OTUD4: variants seen among roughly 807,000 people sequenced by gnomAD.
The protein encoded by OTUD4 is OTU domain-containing protein 4.
OTUD4 carries 24 observed loss-of-function variants against 130.4 expected under a neutral mutation model. The ratio of observed to expected loss-of-function variants is 0.18; its 90% CI spans 0.13 to 0.26. The LOEUF (loss-of-function observed/expected upper bound fraction) is 0.26. Among genes scored for constraint, OTUD4 ranks in the 10% least tolerant of loss-of-function variants. The pLI is 1.00. For synonymous variants in OTUD4, 420 were observed against 472.5 expected, an observed-to-expected ratio of 0.89 and a Z score of 1.44; for missense variants, 1,031 against 1,329.4, an observed-to-expected ratio of 0.78 and a Z score of 3.49.
intron 10 of OTUD4, among the ~76,000 whole-genome samples, chr4:145,153,764 AAATC>A (rs1751165174): frequency 6.6e-6 from 1 of 152,246 alleles, no homozygotes; most frequent in South Asian, 2.1e-4. Context: ...TTTTAGCAGT[AAATC>A]AAAGTCCTCA....
rs991337470 is a variant in OTUD4, at chr4:145,143,462, G to A, written c.1603-17C>T. On this transcript the variant is annotated splice_polypyrimidine_tract_variant and intron_variant, in intron 16 of 20. Transcript: ENST00000447906. The stretch of plus-strand genomic sequence containing the variant: ...AGTAATATTCTTTGGAAGCAAAAAA[G>A]AAGCAAAGTTTTGTATTTCAGAGAC... 2 of 1,521,906 alleles carry A rather than the reference G, an allele frequency of 1.3e-6. No individual in the cohort carries two copies. Among genetic ancestry groups the A allele is most frequent in the South Asian group, 1.1e-5 (1 of 87,138 alleles). The allele number at this position is 1,521,906 out of a possible 1,614,324, so 94.3% of individuals were successfully genotyped here. A position where few individuals can be genotyped will look rare whatever the true frequency, so the allele number is the denominator to read the frequency against.
intron 13 of OTUD4, among the ~76,000 whole-genome samples, chr4:145,148,063 TAA>T (rs559901619): frequency 8.5e-5 from 13 of 152,296 alleles, no homozygotes; most frequent in African/African-American, 2.4e-4. Flanking sequence ...AAAAAATCTC[TAA>T]AGTTTCATGT....
chr4:145,157,971 G>A (rs959880568), intron 7 of OTUD4, among the ~76,000 whole-genome samples: 3 of 152,148 alleles, frequency 2.0e-5, no homozygotes, highest in African/African-American at 7.2e-5. Flanking sequence ...CAGGTAATAA[G>A]TTGTAACAAG....
At chr4:145,156,703 T>C (rs1439060738) in intron 7 of OTUD4, among the ~76,000 whole-genome samples, 1 of 151,862 alleles carries the variant, frequency 6.6e-6, no homozygotes, top group African/African-American at 2.4e-5. Flanking sequence ...AAAAATACTC[T>C]ACGTCAAATA....
chr4:145,170,019 A>G (rs1278746412), intron 3 of OTUD4, among the ~76,000 whole-genome samples: 3 of 152,234 alleles, frequency 2.0e-5, no homozygotes, highest in Non-Finnish European at 4.4e-5. Context: ...AGAGGGGTAC[A>G]GGGAAAGTGA....
Position 145,138,268 on chromosome 4 carries a change from A to G in OTUD4, c.2507T>C (p.Met836Thr). Residue 836 changes from methionine to threonine, a missense_variant, in exon 21 of 21, where the codon ATG (methionine) becomes ACG (threonine). By Grantham distance (81) the Met-to-Thr change is moderately conservative. This residue lies in a region of OTUD4 where 900 missense variants were observed against 1,095.9 expected (regional missense o/e 0.82). Coordinates refer to ENST00000447906, the MANE Select transcript of OTUD4 (RefSeq NM_001366057.1). ...DYEESLSGKNMFPQPSFGPNP... is the reference protein window; with the variant it reads ...DYEESLSGKNTFPQPSFGPNP... ...GGGTCCAAAAGATGGCTGGGGGAAC[A>G]TATTCTTGCCACTTAGTGACTCTTC... is the stretch of plus-strand genomic sequence containing the variant. The G allele has an allele frequency of 1.2e-6, 2 of 1,614,032 alleles. No homozygotes were observed. The highest frequency in any genetic ancestry group is 1.7e-6 in the Non-Finnish European group (2 of 1,179,896).
Position 145,135,542 on chromosome 4 carries a change from C to T in OTUD4, c.*1888G>A, listed in dbSNP as rs867706870. On this transcript the variant is annotated 3_prime_UTR_variant, in exon 21 of 21. Transcript: ENST00000447906. ...GAGCTGAAAGTGGAGGACCCTCTAT[C>T]TTCTCATTCCTTAACTGAGCCACCG... 3 of 152,280 alleles carry T rather than the reference C, an allele frequency of 2.0e-5. No individual in the cohort carries two copies. Among genetic ancestry groups the T allele is most frequent in the Non-Finnish European group, 4.4e-5 (3 of 68,032 alleles). 9.4% of individuals were successfully genotyped at this position (152,280 alleles called of 1,614,324 possible). A position where few individuals can be genotyped will look rare whatever the true frequency, so the allele number is the denominator to read the frequency against.
At chr4:145,159,187 T>C (rs12498677) in intron 7 of OTUD4, 36,490 of 1,071,566 alleles carry the variant, frequency 0.034, 693 homozygotes, top group Admixed American at 0.039. Flanking sequence ...ATGTGAACAA[T>C]TGACAAGTTA....
intron 14 of OTUD4, among the ~76,000 whole-genome samples, 180 bp from the exon 15 acceptor site, chr4:145,144,614 A>G (rs1458946145): frequency 6.6e-6 from 1 of 152,226 alleles, no homozygotes; most frequent in Non-Finnish European, 1.5e-5. Flanking sequence ...ACACCCTAGA[A>G]TAATAGTCTT....
intron 1 of OTUD4, chr4:145,179,512 G>C (rs1292375364): frequency 2.5e-6 from 2 of 805,832 alleles, no homozygotes. Context: ...CATGTCGCCA[G>C]GTCCCCAGCA....
At chr4:145,167,662 C>T (rs550712525) in intron 3 of OTUD4, among the ~76,000 whole-genome samples, 13 of 152,164 alleles carry the variant, frequency 8.5e-5, no homozygotes, top group Middle Eastern at 6.8e-3. Context: ...TTCAGGACCA[C>T]CCTGGCCAAC....
chr4:145,152,662 G>GAA, intron 10 of OTUD4, 27 bp from the exon 11 acceptor site: 9 of 1,228,092 alleles, frequency 7.3e-6, no homozygotes, highest in Admixed American at 2.2e-5. Flanking sequence ...AAATGAAAAG[G>GAA]AAAAAAAAAA....
At chr4:145,156,153 T>G (rs1362196786) in intron 7 of OTUD4, among the ~76,000 whole-genome samples, 157 bp from the exon 8 acceptor site, 1 of 152,182 alleles carries the variant, frequency 6.6e-6, no homozygotes, top group African/African-American at 2.4e-5. Context: ...TATCTATATA[T>G]AAAAGGGTAT....
In OTUD4 at chr4:145,137,440, T is replaced by C. The variant is rs775490380; in HGVS notation, c.3335A>G (p.Gln1112Arg). 1 of 1,606,436 alleles carries C rather than the reference T, an allele frequency of 6.2e-7. No homozygotes were observed. The highest frequency in any genetic ancestry group is 1.7e-5 in the Admixed American group (1 of 59,424). The change falls in exon 21 of 21, where the codon CAG becomes CGG. Residue 1112 changes from glutamine to arginine, a missense_variant. This residue lies in a region of OTUD4 where 900 missense variants were observed against 1,095.9 expected (regional missense o/e 0.82). Coordinates refer to ENST00000447906, the MANE Select transcript of OTUD4 (RefSeq NM_001366057.1). ...RSGMGDGHRG[Q>R]HT is the part of the protein sequence containing the mutation. ...CTTCGGCAACAACCATCAAGTGTGC[T>C]GTCCCCTATGGCCATCTCCCATCCC...
chr4:145,156,438 C>G (rs1040936077), intron 7 of OTUD4, among the ~76,000 whole-genome samples: 2 of 152,204 alleles, frequency 1.3e-5, no homozygotes, highest in African/African-American at 4.8e-5. Flanking sequence ...AATCCCAGGA[C>G]TTTGGGAGGC....
Position 145,135,088 on chromosome 4 carries a change from G to C in OTUD4, c.*2342C>G. ...AATACATTTAAAAACAAACTTAAAG[G>C]AAAAAAAGCGAAACCAACCTTCATG... On this transcript the variant is annotated 3_prime_UTR_variant, in exon 21 of 21. Transcript: ENST00000447906. The C allele has an allele frequency of 1.5e-3, 414 of 281,718 alleles. No individual in the cohort carries two copies. The highest frequency in any genetic ancestry group is 3.1e-3 in the Middle Eastern group (3 of 962). The allele number at this position is 281,718 out of a possible 1,614,324, so 17.5% of individuals were successfully genotyped here.
chr4:145,173,873 T>G (rs968682269), intron 2 of OTUD4, among the ~76,000 whole-genome samples: 4 of 152,194 alleles, frequency 2.6e-5, no homozygotes, highest in African/African-American at 9.6e-5. Flanking sequence ...TAATCACTAC[T>G]TACATAATTA....
chr4:145,159,639 C>T lies in OTUD4; in HGVS notation c.497-4G>A. 2 of 1,611,332 alleles carry T rather than the reference C, an allele frequency of 1.2e-6. No individual in the cohort carries two copies. The highest frequency in any genetic ancestry group is 1.7e-6 in the Non-Finnish European group (2 of 1,178,774). On this transcript the variant is annotated splice_polypyrimidine_tract_variant and splice_region_variant and intron_variant, in intron 6 of 20. Transcript: ENST00000447906. Reference sequence around the variant, plus strand: ...TACAGCAATTCATAAAGGAGAGCTGCAATTAATGACAGACAGATTTTCCAA... The same window carrying T: ...TACAGCAATTCATAAAGGAGAGCTGTAATTAATGACAGACAGATTTTCCAA...
In OTUD4 at chr4:145,146,374, A is replaced by G; in HGVS notation, c.1315T>C (p.Tyr439His). 1.3e-6 allele frequency: 2 copies of G among 1,590,154 alleles called. No individual in the cohort carries two copies. Among genetic ancestry groups the G allele is most frequent in the Non-Finnish European group, 1.7e-6 (2 of 1,170,864 alleles). ...DFDHTSRESNYFGLSPEERRE... is the reference protein window; with the variant it reads ...DFDHTSRESNHFGLSPEERRE... The stretch of plus-strand genomic sequence containing the variant: ...CGCTCTTCTGGGGAAAGGCCGAAAT[A>G]GTTAGATTCTCGACTTGTGTGATCA... The change falls in exon 14 of 21, where the codon TAT becomes CAT. Residue 439 changes from tyrosine (Y) to histidine (H), a missense_variant. Physicochemically the swap from Tyr to His is moderately conservative, Grantham distance 83. This residue lies in a region of OTUD4 where 900 missense variants were observed against 1,095.9 expected (regional missense o/e 0.82). Transcript: ENST00000447906.
Sources: allele counts gnomAD v4.1 joint callset (sites outside exome capture counted in the v4.1 genomes callset), GRCh38; gene constraint gnomAD v4.1.1; regional missense constraint gnomAD v4.1.1; transcripts MANE v1.5; gene names NCBI Gene and HGNC (gene_info 2026-07-23, HGNC 2026-07-21).